The following FHIT variants were observed in gnomAD, a reference collection of about 807,000 sequenced individuals.
FHIT encodes fragile histidine triad diadenosine triphosphatase, also known as bis(5'-adenosyl)-triphosphatase.
FHIT carries 19 observed loss-of-function variants against 17.9 expected under a neutral mutation model. That is an observed-to-expected ratio of 1.06 (90% CI 0.74 to 1.56). FHIT has a LOEUF of 1.56. Ranked by LOEUF, FHIT falls within the 40% of genes most tolerant of loss-of-function variation. The probability of loss-of-function intolerance (pLI) is 0.00; values close to 1 mark genes in which losing one functional copy is unlikely to be tolerated. For synonymous variants in FHIT, 81 were observed against 69.7 expected, an observed-to-expected ratio of 1.16 and a Z score of -0.81; for missense variants, 248 against 189.2, an observed-to-expected ratio of 1.31 and a Z score of -1.82.
In FHIT at chr3:60,514,976, G is replaced by C. The variant is rs2035095885; in HGVS notation, c.103+21884C>G. The stretch of plus-strand genomic sequence containing the variant: ...TCTGTCACAAGAGCATGTGAGCAGA[G>C]GCCACCTTACTAGATAAAATGCAGC... On this transcript the variant is annotated intron_variant, in intron 5 of 9. Coordinates refer to ENST00000492590, the MANE Select transcript of FHIT (RefSeq NM_002012.4). Among the ~76,000 whole-genome samples the C allele has an allele frequency of 2.0e-5, 3 of 151,588 alleles. No individual in the cohort carries two copies. The South Asian group carries it at 6.3e-4, about 32-fold the overall frequency.
chr3:60,956,320 A>G (rs1182884774), intron 3 of FHIT, among the ~76,000 whole-genome samples: 1 of 152,188 alleles, frequency 6.6e-6, no homozygotes, highest in Non-Finnish European at 1.5e-5. Flanking sequence ...AGCACATAGG[A>G]TAGCAAGTAC....
intron 5 of FHIT, among the ~76,000 whole-genome samples, chr3:60,326,824 A>C (rs1038689432): frequency 1.3e-5 from 2 of 152,236 alleles, no homozygotes; most frequent in Admixed American, 6.5e-5. Flanking sequence ...TTGCTGAAGA[A>C]GAGAAATGTA....
chr3:60,949,799 A>G (rs1553776717), intron 3 of FHIT, among the ~76,000 whole-genome samples: 1 of 152,188 alleles, frequency 6.6e-6, no homozygotes, highest in African/African-American at 2.4e-5. Flanking sequence ...AATGAAAGAA[A>G]AGGTCAAAAG....
chr3:59,983,183 C>T (rs1382182784), intron 7 of FHIT, among the ~76,000 whole-genome samples: 2 of 152,068 alleles, frequency 1.3e-5, no homozygotes, highest in African/African-American at 4.8e-5. Flanking sequence ...AAGCAGTCGG[C>T]CCACCTCAGT....
At chr3:60,807,525 C>T (rs1701439062) in intron 4 of FHIT, among the ~76,000 whole-genome samples, 1 of 152,100 alleles carries the variant, frequency 6.6e-6, no homozygotes, top group African/African-American at 2.4e-5. Context: ...GAGGTAGAGG[C>T]TACAGTGAGC....
At chr3:61,144,113 A>C (rs2037162870) in intron 2 of FHIT, among the ~76,000 whole-genome samples, 1 of 152,318 alleles carries the variant, frequency 6.6e-6, no homozygotes, top group Non-Finnish European at 1.5e-5. Context: ...TAGTATATTC[A>C]GAGTTGTGCA....
At chr3:60,231,053 C>T (rs1299449729) in intron 5 of FHIT, among the ~76,000 whole-genome samples, 1 of 152,128 alleles carries the variant, frequency 6.6e-6, no homozygotes, top group Non-Finnish European at 1.5e-5. Context: ...ATGGTAGTGG[C>T]AACAACTCGG....
At chr3:60,504,231 C>T (rs6762271) in intron 5 of FHIT, among the ~76,000 whole-genome samples, 8,514 of 152,008 alleles carry the variant, frequency 0.056, 536 homozygotes, top group East Asian at 0.29. Flanking sequence ...GTCAGGAGAT[C>T]GAGACCATCC....
chr3:60,732,754 TC>T, intron 4 of FHIT: 3 of 267,690 alleles, frequency 1.1e-5, no homozygotes, highest in Non-Finnish European at 2.1e-5. Context: ...CGGCACAATC[TC>T]GGCTCACTGC....
intron 7 of FHIT, among the ~76,000 whole-genome samples, chr3:59,987,114 ATT>A (rs370844727): frequency 7.0e-6 from 1 of 142,642 alleles, no homozygotes; most frequent in Non-Finnish European, 1.5e-5. Context: ...AAATCTATAT[ATT>A]TTATATAGAT....
intron 5 of FHIT, among the ~76,000 whole-genome samples, chr3:60,155,634 C>T (rs2107346214): frequency 6.6e-6 from 1 of 152,306 alleles, no homozygotes; most frequent in South Asian, 2.1e-4. Context: ...TACCCCAATA[C>T]TCAGCACAGT....
chr3:60,035,116 G>C (rs1186577541), intron 5 of FHIT, among the ~76,000 whole-genome samples: 2 of 152,164 alleles, frequency 1.3e-5, no homozygotes, highest in Non-Finnish European at 2.9e-5. Flanking sequence ...GACGGGGAGA[G>C]TCTCCTCAGC....
chr3:60,004,726 C>G (rs1173732468), intron 7 of FHIT, among the ~76,000 whole-genome samples: 3 of 152,164 alleles, frequency 2.0e-5, no homozygotes, highest in Non-Finnish European at 4.4e-5. Context: ...ATTCCACTAT[C>G]TGTCAACTGT....
chr3:61,145,860 T>A (rs1239847209), intron 2 of FHIT, among the ~76,000 whole-genome samples: 1 of 152,080 alleles, frequency 6.6e-6, no homozygotes, highest in Non-Finnish European at 1.5e-5. Context: ...ATTGATCTTG[T>A]ATCTTGCCAC....
At chr3:60,295,743 T>G (rs1708176461) in intron 5 of FHIT, among the ~76,000 whole-genome samples, 1 of 152,162 alleles carries the variant, frequency 6.6e-6, no homozygotes. Flanking sequence ...CAAGCGTGAC[T>G]GTATCATTTT....
At chr3:61,015,298 G>A (rs2032048191) in intron 3 of FHIT, among the ~76,000 whole-genome samples, 2 of 152,110 alleles carry the variant, frequency 1.3e-5, no homozygotes, top group African/African-American at 2.4e-5. Context: ...CCTCTGACCA[G>A]CCTCTCTGTA....
chr3:60,332,084 A>G (rs1042163108), intron 5 of FHIT, among the ~76,000 whole-genome samples: 36 of 152,250 alleles, frequency 2.4e-4, no homozygotes, highest in African/African-American at 7.9e-4. Flanking sequence ...TGCTAATTAA[A>G]TATCTATTCT....
chr3:61,014,779 C>T (rs1282245383), intron 3 of FHIT, among the ~76,000 whole-genome samples: 1 of 65,822 alleles, frequency 1.5e-5, no homozygotes, highest in African/African-American at 1.2e-4. Context: ...GACTCTGCCT[C>T]AAAAAAAAAA....
chr3:59,802,363 GC>G (rs1700030209), intron 8 of FHIT, among the ~76,000 whole-genome samples: 1 of 152,160 alleles, frequency 6.6e-6, no homozygotes, highest in South Asian at 2.1e-4. Flanking sequence ...AGGCCTCTGA[GC>G]CCAAGCTAAT....
Sources: gnomAD v4.1 joint callset for allele counts (sites outside exome capture counted in the v4.1 genomes callset) on GRCh38, gnomAD v4.1.1 for gene constraint, MANE v1.5 for transcripts, NCBI Gene and HGNC (gene_info 2026-07-23, HGNC 2026-07-21) for gene names.